Variants in ATG4C observed in about 807,000 individuals in gnomAD.
ATG4C encodes cysteine protease ATG4C.
Under a neutral mutation model 57.6 loss-of-function variants are expected in ATG4C, and 56 were observed. That is an observed-to-expected ratio of 0.97 (90% CI 0.78 to 1.21). The LOEUF (loss-of-function observed/expected upper bound fraction) is 1.21, where lower values mean the gene tolerates loss of function less well. ATG4C is among the 50% of genes most tolerant of loss of function. The pLI is 0.00. For missense variants in ATG4C, 595 were observed against 529.8 expected, an observed-to-expected ratio of 1.12 and a Z score of -1.21; for synonymous variants, 157 against 174.1, an observed-to-expected ratio of 0.90 and a Z score of 0.78.
chr1:62,847,568 GC>G (rs1340546173), intron 10 of ATG4C, among the ~76,000 whole-genome samples: 1 of 152,106 alleles, frequency 6.6e-6, no homozygotes, highest in Non-Finnish European at 1.5e-5. Flanking sequence ...CATGAAACCT[GC>G]CCTATTTAAA....
intron 10 of ATG4C, among the ~76,000 whole-genome samples, chr1:62,854,388 C>G (rs1310277778): frequency 1.3e-5 from 2 of 151,730 alleles, no homozygotes; most frequent in African/African-American, 4.8e-5. Flanking sequence ...TGCCATTCAC[C>G]TGCCTCAGCC....
At chr1:62,845,700 T>A (rs1666306792) in intron 10 of ATG4C, among the ~76,000 whole-genome samples, 1 of 126,512 alleles carries the variant, frequency 7.9e-6, no homozygotes, top group African/African-American at 3.0e-5. Context: ...TTTTATTTAT[T>A]TTTATTTATT....
chr1:62,819,154 A>G lies in ATG4C; in HGVS notation c.544A>G (p.Ile182Val). 6.2e-7 allele frequency: 1 copy of G among 1,613,350 alleles called. No homozygotes were observed. Among genetic ancestry groups the G allele is most frequent in the African/African-American group, 1.3e-5 (1 of 75,020 alleles). ...KTPTISLKET[I>V]GKYSDDHEMR... Reference sequence around the variant, plus strand: ...CCCAACAATTTCTCTGAAGGAAACAATTGGGAAATATTCTGATGATCATGA... The same window carrying G: ...CCCAACAATTTCTCTGAAGGAAACAGTTGGGAAATATTCTGATGATCATGA... Residue 182 changes from isoleucine to valine, a missense_variant, in exon 5 of 11, where the codon ATT becomes GTT. Physicochemically the swap from Ile to Val is conservative, Grantham distance 29. Coordinates refer to ENST00000317868, the MANE Select transcript of ATG4C (RefSeq NM_032852.4).
chr1:62,793,984 T>G (rs1318511883), intron 1 of ATG4C, among the ~76,000 whole-genome samples: 1 of 152,234 alleles, frequency 6.6e-6, no homozygotes, highest in Non-Finnish European at 1.5e-5. Flanking sequence ...TACCTTCGAC[T>G]TATCAGAGGT....
In ATG4C at chr1:62,822,363, A is replaced by C. The variant is rs552160976; in HGVS notation, c.796+1154A>C. Among the ~76,000 whole-genome samples the C allele has an allele frequency of 1.1e-4, 16 of 152,294 alleles. No homozygotes were observed. The South Asian group carries it at 3.3e-3, about 32-fold the overall frequency. Reference sequence around the variant, plus strand: ...GTCTAAATTTTCAGATAAGTATATGAGTTTTGCAGGTACTATGTTTTTCAA... The same window carrying C: ...GTCTAAATTTTCAGATAAGTATATGCGTTTTGCAGGTACTATGTTTTTCAA... On this transcript the variant is annotated intron_variant, in intron 6 of 10. Transcript: ENST00000317868.
chr1:62,861,889 C>T (rs140398065), intron 10 of ATG4C, among the ~76,000 whole-genome samples: 320 of 152,116 alleles, frequency 2.1e-3, no homozygotes, highest in African/African-American at 7.3e-3. Flanking sequence ...GGATATTATA[C>T]CATCCATTAT....
Position 62,819,257 on chromosome 1 carries a change from A to T in ATG4C, c.647A>T (p.Gln216Leu). The change falls in exon 5 of 11, where the codon CAA becomes CTA. Residue 216 changes from glutamine to leucine, a missense_variant. Transcript: ENST00000317868. The part of the protein sequence containing the change: ...DSPLALFGLH[Q>L]LIEYGKKSGK... ...CCCTTGGCTCTTTTTGGCTTACATC[A>T]ACTAATAGAATATGGAAAGAAGTCT... 1.2e-6 allele frequency: 2 copies of T among 1,613,440 alleles called. No individual in the cohort carries two copies. Among genetic ancestry groups the T allele is most frequent in the Non-Finnish European group, 1.7e-6 (2 of 1,179,666 alleles).
At chr1:62,853,469 C>T (rs1013519036) in intron 10 of ATG4C, among the ~76,000 whole-genome samples, 7 of 152,204 alleles carry the variant, frequency 4.6e-5, no homozygotes, top group African/African-American at 1.7e-4. Flanking sequence ...ACTTTTGAGA[C>T]AGGATCTTGC....
chr1:62,809,643 A>G (rs540013413), intron 3 of ATG4C, among the ~76,000 whole-genome samples: 2 of 147,882 alleles, frequency 1.4e-5, no homozygotes, highest in Non-Finnish European at 3.0e-5. Context: ...ATATACATAT[A>G]TGTATATATA....
At chr1:62,795,900 C>T (rs1056240907) in intron 1 of ATG4C, among the ~76,000 whole-genome samples, 4 of 150,802 alleles carry the variant, frequency 2.7e-5, no homozygotes, top group African/African-American at 7.3e-5. Context: ...AATTCATAAG[C>T]GCCTTCTAAA....
chr1:62,834,929 T>C, intron 9 of ATG4C, 77 bp downstream of exon 9: 5 of 1,240,748 alleles, frequency 4.0e-6, no homozygotes, highest in Non-Finnish European at 5.8e-6. Flanking sequence ...GCTAGGTAGC[T>C]ATGCTTTTAC....
chr1:62,859,172 G>A (rs1244964813), intron 10 of ATG4C, among the ~76,000 whole-genome samples: 1 of 152,090 alleles, frequency 6.6e-6, no homozygotes, highest in Admixed American at 6.5e-5. Context: ...AAAAGGAAAT[G>A]CTGTTTGGGA....
At chr1:62,815,615 C>T (rs1665243855) in intron 3 of ATG4C, among the ~76,000 whole-genome samples, 2 of 152,276 alleles carry the variant, frequency 1.3e-5, no homozygotes, top group South Asian at 4.1e-4. Context: ...AATGCAGCCT[C>T]AACCTCCTGG....
intron 1 of ATG4C, among the ~76,000 whole-genome samples, chr1:62,794,445 A>C (rs1047871349): frequency 4.6e-5 from 7 of 152,226 alleles, no homozygotes; most frequent in African/African-American, 1.4e-4. Flanking sequence ...TGTGATCCTG[A>C]GGAGTCCTAA....
intron 10 of ATG4C, among the ~76,000 whole-genome samples, chr1:62,853,116 TAAAATG>T (rs1207678334): frequency 1.3e-5 from 2 of 152,264 alleles, no homozygotes; most frequent in Non-Finnish European, 2.9e-5. Flanking sequence ...TACAGAATTC[TAAAATG>T]AAAATAATTT....
intron 1 of ATG4C, among the ~76,000 whole-genome samples, chr1:62,799,789 T>TTA (rs772421044): frequency 3.9e-5 from 6 of 152,204 alleles, no homozygotes; most frequent in African/African-American, 1.2e-4. Flanking sequence ...GCTCTTTTAG[T>TTA]TATTTTTAAA....
intron 1 of ATG4C, among the ~76,000 whole-genome samples, chr1:62,803,102 T>C (rs1041554149): frequency 1.3e-5 from 2 of 152,226 alleles, no homozygotes; most frequent in African/African-American, 2.4e-5. Context: ...CAGACACTTA[T>C]GAGCTACATT....
In ATG4C at chr1:62,800,964, C is replaced by T. The variant is rs144131274; in HGVS notation, c.-68-2755C>T. Among the ~76,000 whole-genome samples the T allele has an allele frequency of 6.5e-3, 994 of 152,236 alleles. 10 individuals are homozygous for T. The highest frequency in any genetic ancestry group is 0.011 in the Non-Finnish European group (715 of 68,010). On this transcript the variant is annotated intron_variant, in intron 1 of 10. Transcript: ENST00000317868. ...AAACCAAAGCTGGGTTTCAGGGACT[C>T]CATGATAGTAAGGTCATCATACAGT...
chr1:62,812,445 T>A (rs1169361277), intron 3 of ATG4C, among the ~76,000 whole-genome samples: 1 of 152,194 alleles, frequency 6.6e-6, no homozygotes, highest in Non-Finnish European at 1.5e-5. Flanking sequence ...AATCTCTTAA[T>A]AAACTAGGTA....
Sources: gnomAD v4.1 joint callset for allele counts (sites outside exome capture counted in the v4.1 genomes callset) on GRCh38, gnomAD v4.1.1 for gene constraint, MANE v1.5 for transcripts, NCBI Gene and HGNC (gene_info 2026-07-23, HGNC 2026-07-21) for gene names.